Variants in GANC observed in about 807,000 individuals in gnomAD.
GANC encodes the protein neutral alpha-glucosidase C.
Under a neutral mutation model 124.2 loss-of-function variants are expected in GANC, and 117 were observed. The observed-to-expected ratio is 0.94, with a 90% confidence interval of 0.81 to 1.10. GANC has a LOEUF of 1.10. Among genes scored for constraint, GANC ranks in the 50% least tolerant of loss-of-function variants. The pLI, the probability that GANC is intolerant of heterozygous loss-of-function variation, is 0.00. For missense variants in GANC, 1,140 were observed against 1,095.0 expected, an observed-to-expected ratio of 1.04 and a Z score of -0.58; for synonymous variants, 377 against 376.8, an observed-to-expected ratio of 1.00 and a Z score of -0.01.
intron 5 of GANC, among the ~76,000 whole-genome samples, chr15:42,296,662 A>G (rs1363857220): frequency 7.9e-5 from 12 of 152,086 alleles, no homozygotes; most frequent in Non-Finnish European, 8.8e-5. Flanking sequence ...CAAAGTGCCC[A>G]TATTACAGGT....
intron 6 of GANC, among the ~76,000 whole-genome samples, chr15:42,302,129 C>T (rs1240690614): frequency 1.3e-5 from 2 of 152,154 alleles, no homozygotes; most frequent in Admixed American, 6.5e-5. Context: ...GCGGGTGCCC[C>T]TCTGGGACTA....
At chr15:42,328,748 A>C (rs2052216637) in intron 13 of GANC, among the ~76,000 whole-genome samples, 1 of 152,234 alleles carries the variant, frequency 6.6e-6, no homozygotes, top group African/African-American at 2.4e-5. Context: ...CAGGGATTCT[A>C]CAATACCATG....
At chr15:42,344,022 C>G (rs776071215) in intron 19 of GANC, among the ~76,000 whole-genome samples, 6 of 152,156 alleles carry the variant, frequency 3.9e-5, no homozygotes, top group Non-Finnish European at 7.4e-5. Context: ...AGGCAAGTGG[C>G]AAGGTAGCTG....
chr15:42,353,472 A>T lies in GANC; in HGVS notation c.*1333A>T. 1.1e-6 allele frequency: 1 copy of T among 928,552 alleles called. No homozygotes were observed. Among genetic ancestry groups the T allele is most frequent in the Non-Finnish European group, 1.3e-6 (1 of 778,442 alleles). The allele number at this position is 928,552 out of a possible 1,614,324, so 57.5% of individuals were successfully genotyped here. On this transcript the variant is annotated 3_prime_UTR_variant, in exon 24 of 24. Coordinates refer to ENST00000318010, the MANE Select transcript of GANC (RefSeq NM_198141.3). ...GCTGTCCCACTTATAACTGTGCTCT[A>T]CTTAGCATTCTCAGGGATCATACCT...
intron 5 of GANC, among the ~76,000 whole-genome samples, chr15:42,294,696 A>G (rs1010737081): frequency 1.3e-5 from 2 of 150,908 alleles, no homozygotes; most frequent in Non-Finnish European, 2.9e-5. Context: ...AAATGGCGCC[A>G]CCTTTACACA....
At chr15:42,313,290 C>G (rs926922866) in intron 10 of GANC, among the ~76,000 whole-genome samples, 1 of 147,856 alleles carries the variant, frequency 6.8e-6, no homozygotes, top group African/African-American at 2.5e-5. Context: ...ATAAGACTCT[C>G]AGAAGAAAAC....
At chr15:42,291,551 C>T (rs1566950824) in intron 4 of GANC, among the ~76,000 whole-genome samples, 1 of 152,118 alleles carries the variant, frequency 6.6e-6, no homozygotes, top group East Asian at 1.9e-4. Flanking sequence ...GATGAGGGAG[C>T]ACTTGGAAAG....
chr15:42,342,612 A>T (rs1313299967), intron 18 of GANC, among the ~76,000 whole-genome samples: 2 of 152,004 alleles, frequency 1.3e-5, no homozygotes, highest in African/African-American at 4.8e-5. Flanking sequence ...AAAGAAAAAG[A>T]AAACTGCAGC....
At chr15:42,307,880 T>C (rs142864184) in intron 7 of GANC, among the ~76,000 whole-genome samples, 38 of 152,284 alleles carry the variant, frequency 2.5e-4, no homozygotes, top group African/African-American at 9.1e-4. Context: ...CAAAGAAATA[T>C]GTGATAAGGA....
Position 42,343,116 on chromosome 15 carries a change from G to A in GANC, c.2191G>A (p.Ala731Thr), listed in dbSNP as rs1285545246. The A allele has an allele frequency of 3.1e-6, 5 of 1,613,978 alleles. No homozygotes were observed. Among genetic ancestry groups the A allele is most frequent in the Non-Finnish European group, 3.4e-6 (4 of 1,180,004 alleles). Residue 731 changes from alanine to threonine, a missense_variant, in exon 19 of 24, where the codon GCC becomes ACC. Coordinates refer to ENST00000318010, the MANE Select transcript of GANC (RefSeq NM_198141.3). ...LLVHPVTEPK[A>T]TTVDVFLPGS... The stretch of plus-strand genomic sequence containing the variant: ...GGTTCATCCAGTCACAGAACCAAAA[G>A]CCACCACAGTTGATGTGTTTCTTCC...
At chr15:42,313,248 T>TAACTC (rs112601094) in intron 10 of GANC, among the ~76,000 whole-genome samples, 138,254 of 152,024 alleles carry the variant, frequency 0.91, 64,226 homozygotes, top group Non-Finnish European at 1. Flanking sequence ...TACAAAAAAA[T>TAACTC]AAAATGGTTC....
intron 6 of GANC, among the ~76,000 whole-genome samples, chr15:42,303,865 G>C (rs2051970130): frequency 6.6e-6 from 1 of 152,098 alleles, no homozygotes; most frequent in South Asian, 2.1e-4. Context: ...CAAGTTCTTA[G>C]AGACCTACAA....
chr15:42,323,588 C>T (rs1308896259), intron 11 of GANC, among the ~76,000 whole-genome samples: 1 of 152,092 alleles, frequency 6.6e-6, no homozygotes, highest in Non-Finnish European at 1.5e-5. Context: ...TTGCATCCTC[C>T]ATCTCCTGGG....
rs917082513 is a variant in GANC, at chr15:42,294,520, A to G, written c.512+1603A>G. Among the ~76,000 whole-genome samples, 84 of 146,800 alleles carry G rather than the reference A, an allele frequency of 5.7e-4. 1 individual carries two copies. Among genetic ancestry groups the G allele is most frequent in the Non-Finnish European group, 1.0e-3 (68 of 67,406 alleles). On this transcript the variant is annotated intron_variant, in intron 5 of 23. Transcript: ENST00000318010. ...AACCCAGGAGGTGGAGGTTGCAGTG[A>G]GCTGAGATCATACCATTGCACTCCA... is the stretch of plus-strand genomic sequence containing the variant.
At chr15:42,349,574 G>T in intron 22 of GANC, 79 bp downstream of exon 22, 1 of 824,338 alleles carries the variant, frequency 1.2e-6, no homozygotes, top group Non-Finnish European at 2.1e-6. Context: ...CAAATGCACA[G>T]GTATGTTTTA....
intron 6 of GANC, among the ~76,000 whole-genome samples, chr15:42,301,018 C>CAAA (rs113404849): frequency 7.1e-6 from 1 of 140,096 alleles, no homozygotes; most frequent in Non-Finnish European, 1.5e-5. Context: ...AACTCCATCT[C>CAAA]AAAAAAAAAA....
Position 42,338,406 on chromosome 15 carries a change from G to A in GANC, c.1759G>A (p.Asp587Asn), listed in dbSNP as rs926918190. 21 of 1,613,798 alleles carry A rather than the reference G, an allele frequency of 1.3e-5. No individual in the cohort carries two copies. Among genetic ancestry groups the A allele is most frequent in the Middle Eastern group, 1.7e-4 (1 of 6,058 alleles). The change falls in exon 16 of 24, where the codon GAC (aspartate) becomes AAC (asparagine). Residue 587 changes from aspartate (D) to asparagine (N), a missense_variant. Physicochemically the swap from Asp to Asn is conservative, Grantham distance 23. Transcript: ENST00000318010. Reference sequence around the variant, plus strand: ...GACCAAAGGTGCCGTGTGGACAGGCGACAACACAGCAGAATGGAGCAACTT... The same window carrying A: ...GACCAAAGGTGCCGTGTGGACAGGCAACAACACAGCAGAATGGAGCAACTT... ...SQKYGAVWTGDNTAEWSNLKI... is the reference protein window; with the variant it reads ...SQKYGAVWTGNNTAEWSNLKI...
chr15:42,320,913 C>A (rs2052150638), intron 10 of GANC, among the ~76,000 whole-genome samples: 1 of 152,140 alleles, frequency 6.6e-6, no homozygotes, highest in African/African-American at 2.4e-5. Flanking sequence ...CCAACAGTTA[C>A]CACCCTGCTC....
intron 8 of GANC, 95 bp downstream of exon 8, chr15:42,308,413 TGCCA>T: frequency 2.7e-6 from 2 of 750,816 alleles, no homozygotes; most frequent in Non-Finnish European, 2.3e-6. Context: ...TGCTAATATG[TGCCA>T]GGCCTTTTCC....
Sources: allele counts gnomAD v4.1 joint callset (sites outside exome capture counted in the v4.1 genomes callset), GRCh38; gene constraint gnomAD v4.1.1; transcripts MANE v1.5; gene names NCBI Gene and HGNC (gene_info 2026-07-23, HGNC 2026-07-21).